ST7: variants seen among roughly 807,000 people sequenced by gnomAD.
ST7 encodes suppressor of tumorigenicity 7 protein.
Under a neutral mutation model 78.7 loss-of-function variants are expected in ST7, and 28 were observed. The observed-to-expected ratio is 0.36, with a 90% CI of 0.26 to 0.49. ST7 has a LOEUF of 0.49. Ranked by LOEUF, ST7 falls within the 20% of genes least tolerant of loss-of-function variation. ST7 has a pLI of 0.99. For synonymous variants in ST7, 247 were observed against 249.6 expected (o/e 0.99, Z 0.10); for missense variants, 418 against 696.0 (o/e 0.60, Z 4.49).
chr7:116,990,264 G>C (rs1794367458), intron 1 of ST7, among the ~76,000 whole-genome samples: 1 of 152,140 alleles, frequency 6.6e-6, no homozygotes, highest in African/African-American at 2.4e-5. Flanking sequence ...TCTCTGTAGA[G>C]TGAGTGAGTA....
intron 14 of ST7, 33 bp from the exon 15 acceptor site, chr7:117,221,890 G>T (rs758353363): frequency 6.3e-7 from 1 of 1,587,714 alleles, no homozygotes; most frequent in South Asian, 1.2e-5. Context: ...GTTTACTCCA[G>T]CCCTGATATT....
rs975670949 is a variant in ST7, at chr7:116,979,138, C to T, written c.151+25447C>T. Among the ~76,000 whole-genome samples, 49 of 152,100 alleles carry T rather than the reference C, an allele frequency of 3.2e-4. 1 individual carries two copies. Among genetic ancestry groups the T allele is most frequent in the South Asian group, 2.1e-4 (1 of 4,830 alleles). On this transcript the variant is annotated intron_variant, in intron 1 of 15. Coordinates refer to ENST00000323984, the MANE Select transcript of ST7 (RefSeq NM_001369598.1). Reference sequence around the variant, plus strand: ...CTGTGCATTGGGAGCCTGGAGAAAACGCTCTGTGCCTATTTTTCTCCCACC... The same window carrying T: ...CTGTGCATTGGGAGCCTGGAGAAAATGCTCTGTGCCTATTTTTCTCCCACC...
intron 1 of ST7, among the ~76,000 whole-genome samples, chr7:116,958,399 G>T (rs1270722777): frequency 6.6e-6 from 1 of 151,940 alleles, no homozygotes; most frequent in East Asian, 1.9e-4. Context: ...CTCAGTTTTG[G>T]CATTTTTTCA....
chr7:116,986,269 C>T (rs900058137), intron 1 of ST7, among the ~76,000 whole-genome samples: 2 of 152,090 alleles, frequency 1.3e-5, no homozygotes, highest in African/African-American at 2.4e-5. Flanking sequence ...GGAGATGGGA[C>T]TGGTGGTGAA....
chr7:117,229,661 G>A (rs765870120), intron 15 of ST7, 101 bp from the exon 16 acceptor site: 33 of 947,336 alleles, frequency 3.5e-5, no homozygotes, highest in Middle Eastern at 2.2e-4. Flanking sequence ...TGAGACTTTC[G>A]TAATGCAGAG....
chr7:117,000,399 C>T (rs1328756216), intron 1 of ST7, among the ~76,000 whole-genome samples: 5 of 152,110 alleles, frequency 3.3e-5, no homozygotes, highest in Non-Finnish European at 5.9e-5. Context: ...TAAATTTAGC[C>T]ATTTATAGCT....
intron 9 of ST7, among the ~76,000 whole-genome samples, chr7:117,163,407 G>T (rs1584497700): frequency 6.6e-6 from 1 of 152,242 alleles, no homozygotes; most frequent in South Asian, 2.1e-4. Flanking sequence ...AAGTGTATAA[G>T]AATTGCCTTT....
chr7:117,103,037 A>G (rs1387455549), intron 2 of ST7, among the ~76,000 whole-genome samples: 2 of 152,176 alleles, frequency 1.3e-5, no homozygotes, highest in East Asian at 3.8e-4. Context: ...TGAAAGATGC[A>G]TACAAGGAAA....
chr7:117,108,644 T>G (rs1024514298), intron 2 of ST7, among the ~76,000 whole-genome samples: 1 of 152,198 alleles, frequency 6.6e-6, no homozygotes, highest in African/African-American at 2.4e-5. Flanking sequence ...GGTGGTATTT[T>G]GATGGGAATT....
chr7:117,087,982 C>G (rs1800293268), intron 1 of ST7, among the ~76,000 whole-genome samples: 1 of 152,172 alleles, frequency 6.6e-6, no homozygotes, highest in Non-Finnish European at 1.5e-5. Flanking sequence ...TTTCTGCCTG[C>G]TATATGAAGT....
At chr7:117,177,934 A>C (rs972606721) in intron 10 of ST7, among the ~76,000 whole-genome samples, 5 of 152,222 alleles carry the variant, frequency 3.3e-5, no homozygotes, top group Admixed American at 3.3e-4. Flanking sequence ...CAGTAAGAAC[A>C]CATCACAATC....
At chr7:117,208,943 G>A (rs1015388991) in intron 12 of ST7, among the ~76,000 whole-genome samples, 6 of 133,668 alleles carry the variant, frequency 4.5e-5, no homozygotes, top group African/African-American at 1.6e-4. Context: ...GTGTGTGTGT[G>A]TCAGGGATGG....
At chr7:117,064,482 G>A (rs1217215490) in intron 1 of ST7, among the ~76,000 whole-genome samples, 3 of 152,162 alleles carry the variant, frequency 2.0e-5, no homozygotes, top group African/African-American at 7.2e-5. Flanking sequence ...GAAAAGTGGT[G>A]ACTATGATGT....
intron 1 of ST7, chr7:117,090,690 T>G (rs1220164396): frequency 6.0e-6 from 1 of 166,974 alleles, no homozygotes; most frequent in Admixed American, 6.5e-5. Context: ...TGAAAGCATA[T>G]TTTAAATAAT....
chr7:117,198,579 G>A (rs987157794), intron 12 of ST7: 9 of 275,886 alleles, frequency 3.3e-5, no homozygotes, highest in Admixed American at 1.4e-4. Flanking sequence ...ACCCATTTCC[G>A]ACCTGTGTCT....
chr7:116,972,228 T>G lies in ST7; in HGVS notation c.151+18537T>G, dbSNP rs995238271. The G allele has an allele frequency of 5.6e-6, 3 of 531,006 alleles. No individual in the cohort carries two copies. In the African/African-American group the frequency reaches 5.7e-5, roughly 10 times the overall value. The allele number at this position is 531,006 out of a possible 1,614,324, so 32.9% of individuals were successfully genotyped here. On this transcript the variant is annotated intron_variant, in intron 1 of 15. Transcript: ENST00000323984. Reference sequence around the variant, plus strand: ...TCTTTTGTGTACAGAGGCGCTGTCCTTTGGTGCATTTGAGTTTATCTTCCA... The same window carrying G: ...TCTTTTGTGTACAGAGGCGCTGTCCGTTGGTGCATTTGAGTTTATCTTCCA...
At chr7:117,092,744 A>G (rs1800728554) in intron 1 of ST7, among the ~76,000 whole-genome samples, 1 of 152,228 alleles carries the variant, frequency 6.6e-6, no homozygotes, top group Non-Finnish European at 1.5e-5. Context: ...CTGCTAGACT[A>G]ACTTATCTCG....
chr7:117,103,134 T>G (rs1253846796), intron 2 of ST7, among the ~76,000 whole-genome samples: 1 of 152,100 alleles, frequency 6.6e-6, no homozygotes, highest in Non-Finnish European at 1.5e-5. Context: ...AGAATTAATA[T>G]CATCAAAATG....
At chr7:117,099,205 CTCA>C (rs1430074684) in intron 1 of ST7, among the ~76,000 whole-genome samples, 2 of 151,970 alleles carry the variant, frequency 1.3e-5, no homozygotes, top group Admixed American at 6.6e-5. Flanking sequence ...AAACCTTTTA[CTCA>C]TCATACACTG....
Sources: allele counts gnomAD v4.1 joint callset (sites outside exome capture counted in the v4.1 genomes callset), GRCh38; gene constraint gnomAD v4.1.1; transcripts MANE v1.5; gene names NCBI Gene and HGNC (gene_info 2026-07-23, HGNC 2026-07-21).